Variants in CNNM1 observed in about 807,000 individuals in gnomAD.
CNNM1 encodes the protein cyclin and CBS domain divalent metal cation transport mediator 1.
In CNNM1, 44 loss-of-function variants were observed where a neutral mutation model predicts 78.8. The ratio of observed to expected loss-of-function variants is 0.56; its 90% CI spans 0.44 to 0.72. The LOEUF is 0.72. Among genes scored for constraint, CNNM1 ranks in the 30% least tolerant of loss-of-function variants. The pLI is 0.00. For missense variants in CNNM1, 1,101 were observed against 1,292.2 expected (o/e 0.85, Z 2.27); for synonymous variants, 584 against 581.5 (o/e 1.00, Z -0.06).
At chr10:99,384,638 T>A (rs1384371448) in intron 7 of CNNM1, among the ~76,000 whole-genome samples, 1 of 152,174 alleles carries the variant, frequency 6.6e-6, no homozygotes, top group African/African-American at 2.4e-5. Flanking sequence ...CGAGGAAGTG[T>A]GTCCCATTCA....
At chr10:99,358,245 G>T (rs192007818) in intron 2 of CNNM1, among the ~76,000 whole-genome samples, 1 of 152,190 alleles carries the variant, frequency 6.6e-6, no homozygotes, top group Non-Finnish European at 1.5e-5. Flanking sequence ...CCTTCTTTCT[G>T]GTCTGCTGCC....
intron 1 of CNNM1, among the ~76,000 whole-genome samples, chr10:99,356,560 G>GAAAGAAAGAAAAGA (rs1183548061): frequency 1.2e-5 from 1 of 86,770 alleles, no homozygotes; most frequent in Non-Finnish European, 2.5e-5. Flanking sequence ...CAGACAGACA[G>GAAAGAAAGAAAAGA]ACAGAAAGAA....
intron 2 of CNNM1, among the ~76,000 whole-genome samples, chr10:99,359,604 G>A (rs1231687343): frequency 6.6e-6 from 1 of 152,152 alleles, no homozygotes; most frequent in East Asian, 1.9e-4. Flanking sequence ...GAGCTGCACC[G>A]GCAGGAGGGC....
intron 2 of CNNM1, among the ~76,000 whole-genome samples, chr10:99,359,109 G>A (rs1469626513): frequency 6.7e-6 from 1 of 148,342 alleles, no homozygotes; most frequent in Non-Finnish European, 1.5e-5. Context: ...TAGTCTAAAT[G>A]AGTAAGCTCC....
In CNNM1 at chr10:99,360,835, C is replaced by A; in HGVS notation, c.1718C>A (p.Thr573Asn). 1 of 1,601,180 alleles carries A rather than the reference C, an allele frequency of 6.2e-7. No homozygotes were observed. Among genetic ancestry groups the A allele is most frequent in the Non-Finnish European group, 8.5e-7 (1 of 1,171,012 alleles). The change falls in exon 3 of 11, where the codon ACT becomes AAT. Residue 573 changes from threonine (T) to asparagine (N), a missense_variant and splice_region_variant. Transcript: ENST00000356713. ...TAATCTGTCCTCTGTGACCCCACAG[C>A]TGACAATCGGAAAAAGCAGAGGGTC... ...SEILDETDLY[T>N]DNRKKQRVPQ...
intron 9 of CNNM1, among the ~76,000 whole-genome samples, chr10:99,389,828 G>A (rs2032418735): frequency 6.6e-6 from 1 of 152,162 alleles, no homozygotes; most frequent in Non-Finnish European, 1.5e-5. Context: ...CCCCTTCTGG[G>A]CTCTCAGATT....
intron 7 of CNNM1, among the ~76,000 whole-genome samples, chr10:99,382,940 A>G (rs1266592610): frequency 1.3e-5 from 2 of 152,226 alleles, no homozygotes; most frequent in Non-Finnish European, 2.9e-5. Context: ...TGGCCACTCT[A>G]TAAGAGAAGA....
In CNNM1 at chr10:99,365,174, A is replaced by T. The variant is rs897322763; in HGVS notation, c.2176+172A>T. On this transcript the variant is annotated intron_variant, in intron 6 of 10. Transcript: ENST00000356713. ...GCTTCCTGCCAGGTACCCACAGACC[A>T]TGGGAGCTTAGGTTCTGTGTGTCTG... 4.2e-6 allele frequency: 3 copies of T among 711,948 alleles called. No individual in the cohort carries two copies. In the African/African-American group the frequency reaches 5.2e-5, roughly 12 times the overall value. 44.1% of individuals were successfully genotyped at this position (711,948 alleles called of 1,614,324 possible). A position where few individuals can be genotyped will look rare whatever the true frequency, so the allele number is the denominator to read the frequency against.
At position 99,388,217 on chromosome 10, in the gene CNNM1, T is replaced by C. The variant is rs2032368119; in HGVS notation, c.2590T>C (p.Phe864Leu). Residue 864 changes from phenylalanine to leucine, a missense_variant, in exon 9 of 11, where the codon TTC (phenylalanine) becomes CTC (leucine). Transcript: ENST00000356713. ...GTACCTGAGGATGGAGGAGCTGGCC[T>C]TCACCCAGGAAGAAATGACTGACTT... ...VVYLRMEELAFTQEEMTDFEE... is the reference protein window; with the variant it reads ...VVYLRMEELALTQEEMTDFEE... The C allele has an allele frequency of 6.2e-7, 1 of 1,613,884 alleles. No individual in the cohort carries two copies. The highest frequency in any genetic ancestry group is 8.5e-7 in the Non-Finnish European group (1 of 1,179,902).
At chr10:99,382,495 G>A (rs1446488077) in intron 7 of CNNM1, among the ~76,000 whole-genome samples, 1 of 152,168 alleles carries the variant, frequency 6.6e-6, no homozygotes, top group Admixed American at 6.5e-5. Flanking sequence ...AGGTGCAGTG[G>A]CTCACACCTG....
At chr10:99,359,077 C>T (rs942809016) in intron 2 of CNNM1, among the ~76,000 whole-genome samples, 4 of 138,812 alleles carry the variant, frequency 2.9e-5, no homozygotes, top group African/African-American at 1.1e-4. Context: ...GCCATTCACA[C>T]TAAGGTGTTA....
At chr10:99,335,633 C>T (rs995138163) in intron 1 of CNNM1, among the ~76,000 whole-genome samples, 1 of 152,164 alleles carries the variant, frequency 6.6e-6, no homozygotes, top group African/African-American at 2.4e-5. Context: ...ACCACTTGTC[C>T]CTTTAGTCTC....
chr10:99,385,115 C>A lies in CNNM1; in HGVS notation c.2341-2705C>A, dbSNP rs558386728. Among the ~76,000 whole-genome samples, 4 of 151,792 alleles carry A rather than the reference C, an allele frequency of 2.6e-5. No individual in the cohort carries two copies. In the East Asian group the frequency reaches 7.7e-4, roughly 29 times the overall value. ...CACTGAAGATAAAATCTGGGCAGAA[C>A]TTTTCCAAAAATAAATTAGTTAAAT... On this transcript the variant is annotated intron_variant, in intron 7 of 10. Transcript: ENST00000356713.
chr10:99,357,942 G>A (rs998720423), intron 2 of CNNM1, among the ~76,000 whole-genome samples: 2 of 152,176 alleles, frequency 1.3e-5, no homozygotes, highest in African/African-American at 4.8e-5. Flanking sequence ...GGGACTACAG[G>A]AAACACAGTG....
intron 6 of CNNM1, among the ~76,000 whole-genome samples, chr10:99,374,563 G>T (rs1163318478): frequency 3.3e-5 from 5 of 152,196 alleles, no homozygotes; most frequent in Non-Finnish European, 7.3e-5. Flanking sequence ...GGTTTGTGAT[G>T]ATTTAAGAGC....
intron 6 of CNNM1, among the ~76,000 whole-genome samples, chr10:99,370,803 T>C (rs1298327276): frequency 6.6e-6 from 1 of 152,234 alleles, no homozygotes; most frequent in Admixed American, 6.5e-5. Context: ...AATTTACATA[T>C]ATGCTAAATC....
intron 6 of CNNM1, among the ~76,000 whole-genome samples, chr10:99,369,263 CTG>C (rs1244905211): frequency 6.6e-6 from 1 of 152,206 alleles, no homozygotes; most frequent in Non-Finnish European, 1.5e-5. Context: ...GATTCAATGA[CTG>C]AGTAGAATGC....
rs1280448291 is a variant in CNNM1, at chr10:99,330,374, C to A, written c.987C>A (p.Leu329=). 2 of 1,597,148 alleles carry A rather than the reference C, an allele frequency of 1.3e-6. No homozygotes were observed. Among genetic ancestry groups the A allele is most frequent in the African/African-American group, 2.7e-5 (2 of 74,638 alleles). Residue 329 remains leucine (L), a synonymous_variant, in exon 1 of 11, where the codon CTC becomes CTA. Transcript: ENST00000356713. ...TCCACTTCCCGTGGCTGCCGGCGCT[C>A]GTGTGCACCGGCGCGGTATTCCTGG... ...EGIHFPWLPA[L]VCTGAVFLGA...
chr10:99,364,876 G>A, intron 5 of CNNM1, 79 bp from the exon 6 acceptor site: 4 of 1,349,370 alleles, frequency 3.0e-6, no homozygotes, highest in Non-Finnish European at 4.2e-6. Flanking sequence ...TGCTGGGGGT[G>A]GATAGAAGAG....
Sources: gnomAD v4.1 joint callset for allele counts (sites outside exome capture counted in the v4.1 genomes callset) on GRCh38, gnomAD v4.1.1 for gene constraint, MANE v1.5 for transcripts, NCBI Gene and HGNC (gene_info 2026-07-23, HGNC 2026-07-21) for gene names.